Variants in BEND3 observed in about 807,000 individuals in gnomAD.
BEND3 encodes the protein BEN domain containing 3, also known as BEN domain-containing protein 3.
BEND3 carries 13 observed loss-of-function variants against 60.1 expected under a neutral mutation model. The ratio of observed to expected loss-of-function variants is 0.22; its 90% confidence interval spans 0.14 to 0.34. The LOEUF (loss-of-function observed/expected upper bound fraction) is 0.34, where lower values mean the gene tolerates loss of function less well. Ranked by LOEUF, BEND3 falls within the 10% of genes least tolerant of loss-of-function variation. The pLI, the probability that BEND3 is intolerant of heterozygous loss-of-function variation, is 1.00. For missense variants in BEND3, 896 were observed against 1,138.1 expected (o/e 0.79, Z 3.06); for synonymous variants, 497 against 491.5 (o/e 1.01, Z -0.15).
At chr6:107,088,834 T>C (rs1554234723) in intron 3 of BEND3, among the ~76,000 whole-genome samples, 11 of 152,174 alleles carry the variant, frequency 7.2e-5, no homozygotes. Flanking sequence ...AAAAATAAAG[T>C]ATCTAAGAAT....
chr6:107,072,649 A>C (rs1306729695), intron 3 of BEND3, among the ~76,000 whole-genome samples: 3 of 152,132 alleles, frequency 2.0e-5, no homozygotes, highest in African/African-American at 7.2e-5. Flanking sequence ...ATAAACAGAA[A>C]ACTTTCATCA....
intron 1 of BEND3, among the ~76,000 whole-genome samples, chr6:107,113,454 CAAA>C (rs59947146): frequency 3.6e-4 from 22 of 60,558 alleles, no homozygotes; most frequent in Non-Finnish European, 4.9e-4. Flanking sequence ...AAAAAAAAAA[CAAA>C]AAAAAAACTC....
intron 1 of BEND3, among the ~76,000 whole-genome samples, chr6:107,107,514 G>A (rs1472610966): frequency 2.0e-5 from 3 of 151,844 alleles, no homozygotes; most frequent in African/African-American, 7.2e-5. Flanking sequence ...CCAGGCTGGA[G>A]TGCAGTGGCA....
At chr6:107,109,961 G>A (rs1228781233) in intron 1 of BEND3, among the ~76,000 whole-genome samples, 3 of 151,746 alleles carry the variant, frequency 2.0e-5, no homozygotes, top group African/African-American at 7.3e-5. Context: ...AGCCCAGGAG[G>A]TTGAAGCTGC....
Position 107,066,598 on chromosome 6 carries a change from G to A in BEND3, c.*2106C>T, listed in dbSNP as rs554330395. On this transcript the variant is annotated 3_prime_UTR_variant, in exon 4 of 4. Transcript: ENST00000369042. The stretch of plus-strand genomic sequence containing the variant: ...ATGATTGTGCTTCTAAAGTTGCAGG[G>A]TCAACATTCCACCCTCTAGAAAGCA... 2 of 152,696 alleles carry A rather than the reference G, an allele frequency of 1.3e-5. No individual in the cohort carries two copies. The highest frequency in any genetic ancestry group is 1.3e-4 in the Admixed American group (2 of 15,302). The allele number at this position is 152,696 out of a possible 1,614,324, so 9.5% of individuals were successfully genotyped here. A position where few individuals can be genotyped will look rare whatever the true frequency, so the allele number is the denominator to read the frequency against.
At chr6:107,111,447 G>A (rs138867522) in intron 1 of BEND3, among the ~76,000 whole-genome samples, 1,899 of 152,126 alleles carry the variant, frequency 0.012, 24 homozygotes, top group Middle Eastern at 0.099. Flanking sequence ...GGAGGCGTAG[G>A]ATGCACTGAG....
chr6:107,100,751 C>T (rs1775686433), intron 1 of BEND3, among the ~76,000 whole-genome samples: 1 of 152,170 alleles, frequency 6.6e-6, no homozygotes, highest in Non-Finnish European at 1.5e-5. Flanking sequence ...ATAAATAGTA[C>T]AAGATACAAA....
At chr6:107,105,928 G>GT (rs1775803966) in intron 1 of BEND3, 2 of 152,332 alleles carry the variant, frequency 1.3e-5, no homozygotes, top group African/African-American at 4.8e-5. Flanking sequence ...GTGGGCCCCA[G>GT]AACAGGAATG....
In BEND3 at chr6:107,067,397, G is replaced by A. The variant is rs994744828; in HGVS notation, c.*1307C>T. 6.6e-6 allele frequency: 1 copy of A among 152,202 alleles called. No individual in the cohort carries two copies. Among genetic ancestry groups the A allele is most frequent in the South Asian group, 2.1e-4 (1 of 4,828 alleles). The allele number at this position is 152,202 out of a possible 1,614,324, so 9.4% of individuals were successfully genotyped here. On this transcript the variant is annotated 3_prime_UTR_variant, in exon 4 of 4. Transcript: ENST00000369042. ...ATTTTAAAGGACTTTACCTGTCAGG[G>A]GATTTCCCAGTTGGTGCTCCTGGAG... is the stretch of plus-strand genomic sequence containing the variant.
At chr6:107,092,284 C>A (rs2115020244) in intron 3 of BEND3, among the ~76,000 whole-genome samples, 2 of 151,970 alleles carry the variant, frequency 1.3e-5, no homozygotes, top group East Asian at 3.9e-4. Flanking sequence ...TACACCATGA[C>A]CAACTTAGAT....
chr6:107,094,410 T>C (rs1479058119), intron 3 of BEND3, among the ~76,000 whole-genome samples: 1 of 151,438 alleles, frequency 6.6e-6, no homozygotes, highest in Non-Finnish European at 1.5e-5. Context: ...TCACCTGAGG[T>C]TGGGAGTTCA....
intron 3 of BEND3, among the ~76,000 whole-genome samples, chr6:107,092,935 C>G (rs1289483862): frequency 1.3e-5 from 2 of 151,940 alleles, no homozygotes; most frequent in Non-Finnish European, 2.9e-5. Context: ...CATATGTATA[C>G]AAGATGTATA....
intron 1 of BEND3, among the ~76,000 whole-genome samples, chr6:107,108,622 C>T (rs1554237885): frequency 2.6e-5 from 4 of 152,148 alleles, no homozygotes; most frequent in African/African-American, 4.8e-5. Context: ...CTCAGTCCTT[C>T]GCTCTGCTAG....
intron 1 of BEND3, among the ~76,000 whole-genome samples, chr6:107,114,746 C>T (rs1193538855): frequency 1.4e-5 from 2 of 145,546 alleles, no homozygotes; most frequent in Non-Finnish European, 3.0e-5. Flanking sequence ...CGGGCGGCGG[C>T]GGCGGCGCGG....
rs377392341 is a variant in BEND3, at chr6:107,089,874, C to T, written c.240+8677G>A. Among the ~76,000 whole-genome samples the T allele has an allele frequency of 1.1e-4, 17 of 151,194 alleles. No homozygotes were observed. The East Asian group carries it at 2.1e-3, about 18-fold the overall frequency. On this transcript the variant is annotated intron_variant, in intron 3 of 3. Coordinates refer to ENST00000369042, the MANE Select transcript of BEND3 (RefSeq NM_001367314.1). ...CCTCCCAAAGTGCTGGGATTACAGG[C>T]GTGAGCCACTGCGCCTGGCCACCAA... is the stretch of plus-strand genomic sequence containing the variant.
chr6:107,094,439 T>C (rs1012542959), intron 3 of BEND3, among the ~76,000 whole-genome samples: 8 of 151,838 alleles, frequency 5.3e-5, no homozygotes, highest in Non-Finnish European at 7.4e-5. Flanking sequence ...CTGACCAACA[T>C]AGAGAAACCC....
At chr6:107,089,540 C>G (rs1775428221) in intron 3 of BEND3, among the ~76,000 whole-genome samples, 1 of 148,256 alleles carries the variant, frequency 6.7e-6, no homozygotes, top group Non-Finnish European at 1.5e-5. Flanking sequence ...GAGCCAAGAT[C>G]GTGCCACTGC....
intron 1 of BEND3, chr6:107,114,020 C>T (rs145719674): frequency 1.3e-5 from 2 of 152,254 alleles, no homozygotes; most frequent in African/African-American, 2.4e-5. Context: ...CCTTGTTCCT[C>T]CCGGCACTCT....
Position 107,068,163 on chromosome 6 carries a change from A to G in BEND3, c.*541T>C, listed in dbSNP as rs1482283698. On this transcript the variant is annotated 3_prime_UTR_variant, in exon 4 of 4. Transcript: ENST00000369042. The surrounding 1 kb of genome is among the most constrained non-coding windows in gnomAD (Gnocchi z 5.8). ...TCTTCCAAAATCAGATGTAAAAAAC[A>G]AGGTCAGTAAAATCAGTATCCATGC... 6.5e-6 allele frequency: 1 copy of G among 152,684 alleles called. No individual in the cohort carries two copies. Among genetic ancestry groups the G allele is most frequent in the Non-Finnish European group, 1.5e-5 (1 of 68,444 alleles). 9.5% of individuals were successfully genotyped at this position (152,684 alleles called of 1,614,324 possible).
Sources: allele counts gnomAD v4.1 joint callset (sites outside exome capture counted in the v4.1 genomes callset), GRCh38; gene constraint gnomAD v4.1.1; non-coding constraint Gnocchi (gnomAD v3.1); transcripts MANE v1.5; gene names NCBI Gene and HGNC (gene_info 2026-07-23, HGNC 2026-07-21).